The following SOX5 variants were observed in gnomAD, a reference collection of about 807,000 sequenced individuals.
SOX5 encodes SRY-box transcription factor 5.
In SOX5, 9 loss-of-function variants were observed where a neutral mutation model predicts 92.0. That is an observed-to-expected ratio of 0.10 (90% CI 0.06 to 0.17). The LOEUF is 0.17. Ranked by LOEUF, SOX5 falls within the 10% of genes least tolerant of loss-of-function variation. SOX5 has a pLI of 1.00. For synonymous variants in SOX5, 344 were observed against 336.3 expected, an observed-to-expected ratio of 1.02 and a Z score of -0.25; for missense variants, 642 against 944.5, an observed-to-expected ratio of 0.68 and a Z score of 4.20.
intron 4 of SOX5, among the ~76,000 whole-genome samples, chr12:24,199,991 A>T (rs1351527884): frequency 6.6e-6 from 1 of 152,234 alleles, no homozygotes; most frequent in Non-Finnish European, 1.5e-5. Flanking sequence ...AAAGGATATT[A>T]TTCATTTATT....
intron 3 of SOX5, among the ~76,000 whole-genome samples, chr12:23,818,458 A>C (rs1178953937): frequency 2.0e-5 from 3 of 152,202 alleles, no homozygotes; most frequent in Non-Finnish European, 2.9e-5. Flanking sequence ...CTATGAACAG[A>C]GCTTGAAGGA....
chr12:24,526,682 C>T (rs1950740970), intron 1 of SOX5, among the ~76,000 whole-genome samples: 1 of 152,176 alleles, frequency 6.6e-6, no homozygotes, highest in African/African-American at 2.4e-5. Flanking sequence ...CCAGCACGTG[C>T]TACTCCTTCT....
At chr12:24,367,380 C>T (rs34267464) in intron 2 of SOX5, among the ~76,000 whole-genome samples, 4,057 of 152,248 alleles carry the variant, frequency 0.027, 81 homozygotes, top group Middle Eastern at 0.044. Context: ...TGTTATGACA[C>T]CACATAATTA....
At chr12:23,560,643 G>C (rs11519294) in intron 11 of SOX5, among the ~76,000 whole-genome samples, 53,176 of 152,018 alleles carry the variant, frequency 0.35, 9,448 homozygotes, top group South Asian at 0.39. Flanking sequence ...CATATTTTCT[G>C]GTTTAATACA....
intron 3 of SOX5, among the ~76,000 whole-genome samples, chr12:23,805,063 C>T (rs540426352): frequency 6.7e-5 from 10 of 148,880 alleles, no homozygotes; most frequent in South Asian, 2.1e-4. Flanking sequence ...CATGACTAGA[C>T]GTTTTTTTAA....
chr12:24,527,748 T>C (rs1950841480), intron 1 of SOX5, among the ~76,000 whole-genome samples: 1 of 152,234 alleles, frequency 6.6e-6, no homozygotes, highest in African/African-American at 2.4e-5. Flanking sequence ...ACTCTTCACC[T>C]TGTAGCTATT....
At chr12:23,543,170 C>T (rs750296200) in intron 13 of SOX5, 41 bp downstream of exon 13, 11 of 1,556,690 alleles carry the variant, frequency 7.1e-6, no homozygotes, top group Admixed American at 5.1e-5. Flanking sequence ...AGAACAGTAC[C>T]TTTATTCCAT....
chr12:23,767,680 ATATCTAG>A (rs2094783730), intron 3 of SOX5, among the ~76,000 whole-genome samples: 1 of 152,138 alleles, frequency 6.6e-6, no homozygotes, highest in African/African-American at 2.4e-5. Flanking sequence ...ATCATGTCTC[ATATCTAG>A]TAACTGAGAG....
intron 1 of SOX5, among the ~76,000 whole-genome samples, chr12:24,561,003 C>G (rs1344629891): frequency 6.6e-6 from 1 of 152,218 alleles, no homozygotes; most frequent in Non-Finnish European, 1.5e-5. Flanking sequence ...CTTACTGCCC[C>G]AAATCCCACA....
Position 23,533,788 on chromosome 12 carries a change from T to A in SOX5, c.*431A>T, listed in dbSNP as rs1322965544. ...AAACCCCAAAAAACAAAACAAAACT[T>A]TTTTCTTTTTAAAAATTGTAGCACA... is the stretch of plus-strand genomic sequence containing the variant. On this transcript the variant is annotated 3_prime_UTR_variant, in exon 15 of 15. Transcript: ENST00000451604. 6.5e-6 allele frequency: 1 copy of A among 153,076 alleles called. No homozygotes were observed. Among genetic ancestry groups the A allele is most frequent in the Non-Finnish European group, 1.5e-5 (1 of 68,470 alleles). 9.5% of individuals were successfully genotyped at this position (153,076 alleles called of 1,614,324 possible).
chr12:24,004,917 ATAT>A (rs764415352), intron 4 of SOX5, among the ~76,000 whole-genome samples: 19 of 152,176 alleles, frequency 1.2e-4, no homozygotes, highest in Non-Finnish European at 2.4e-4. Context: ...CATTAATAAA[ATAT>A]TATTCAGCAA....
At chr12:23,963,830 G>A (rs1947247112) in intron 4 of SOX5, among the ~76,000 whole-genome samples, 1 of 150,870 alleles carries the variant, frequency 6.6e-6, no homozygotes, top group South Asian at 2.1e-4. Flanking sequence ...TGGATTAGAG[G>A]TATATACTAT....
At chr12:24,104,543 T>A (rs955657338) in intron 4 of SOX5, among the ~76,000 whole-genome samples, 1 of 152,314 alleles carries the variant, frequency 6.6e-6, no homozygotes, top group Non-Finnish European at 1.5e-5. Flanking sequence ...CTAGGGCATA[T>A]AGAGAATGCT....
intron 6 of SOX5, among the ~76,000 whole-genome samples, chr12:23,679,155 GAAAGAGAAATCTAGTAA>G (rs944123543): frequency 3.3e-5 from 5 of 152,168 alleles, no homozygotes; most frequent in African/African-American, 4.8e-5. Context: ...GGAGGTAGGA[GAAAGAGAAATCTAGTAA>G]ATCGAAAGTA....
intron 3 of SOX5, among the ~76,000 whole-genome samples, chr12:23,798,091 T>C (rs984539072): frequency 9.9e-5 from 15 of 152,018 alleles, no homozygotes; most frequent in African/African-American, 3.6e-4. Flanking sequence ...TCATTCCCCA[T>C]CTCCTGCTTT....
intron 1 of SOX5, among the ~76,000 whole-genome samples, chr12:24,432,272 A>T (rs1938500391): frequency 6.6e-6 from 1 of 152,190 alleles, no homozygotes; most frequent in Non-Finnish European, 1.5e-5. Flanking sequence ...TGTGCTTCAC[A>T]TCCTTGTCCA....
At chr12:23,873,379 G>A (rs1157883309) in intron 2 of SOX5, among the ~76,000 whole-genome samples, 1 of 152,140 alleles carries the variant, frequency 6.6e-6, no homozygotes, top group Non-Finnish European at 1.5e-5. Flanking sequence ...AGGCAGAGGT[G>A]TGAGAATCAT....
intron 6 of SOX5, among the ~76,000 whole-genome samples, chr12:23,726,192 T>C (rs565734068): frequency 1.0e-4 from 13 of 123,928 alleles, no homozygotes; most frequent in Non-Finnish European, 1.8e-4. Context: ...TTCTCACTGT[T>C]TGTAAGTTAC....
At chr12:23,816,062 TCAA>T (rs1259512857) in intron 3 of SOX5, among the ~76,000 whole-genome samples, 1 of 152,188 alleles carries the variant, frequency 6.6e-6, no homozygotes, top group Non-Finnish European at 1.5e-5. Flanking sequence ...TTAATTTTTT[TCAA>T]CAACTCATAA....
Sources: gnomAD v4.1 joint callset for allele counts (sites outside exome capture counted in the v4.1 genomes callset) on GRCh38, gnomAD v4.1.1 for gene constraint, MANE v1.5 for transcripts, NCBI Gene and HGNC (gene_info 2026-07-23, HGNC 2026-07-21) for gene names.